ZNF562: variants seen among roughly 807,000 people sequenced by gnomAD.
ZNF562 encodes zinc finger protein 562.
In ZNF562, 13 loss-of-function variants were observed where a neutral mutation model predicts 17.5. That is an observed-to-expected ratio of 0.74 (90% CI 0.48 to 1.18). The LOEUF (loss-of-function observed/expected upper bound fraction) is 1.18, where lower values mean the gene tolerates loss of function less well. Ranked by LOEUF, ZNF562 falls within the 50% of genes most tolerant of loss-of-function variation. The pLI is 0.00. For missense variants in ZNF562, 481 were observed against 498.5 expected (o/e 0.96, Z 0.33); for synonymous variants, 163 against 165.4 (o/e 0.99, Z 0.11).
intron 1 of ZNF562, among the ~76,000 whole-genome samples, chr19:9,666,488 T>C (rs1262131956): frequency 6.6e-6 from 1 of 151,840 alleles, no homozygotes; most frequent in Non-Finnish European, 1.5e-5. Flanking sequence ...TGATACCCCT[T>C]AAAATACTAG....
intron 1 of ZNF562, among the ~76,000 whole-genome samples, chr19:9,674,266 A>G (rs1264512656): frequency 6.6e-6 from 1 of 152,136 alleles, no homozygotes; most frequent in Non-Finnish European, 1.5e-5. Context: ...GGAGTAAGTA[A>G]TCGAAATAAG....
At chr19:9,656,767 G>T (rs533201411) in intron 4 of ZNF562, 114 bp from the exon 5 acceptor site, 11 of 1,002,998 alleles carry the variant, frequency 1.1e-5, no homozygotes, top group African/African-American at 1.6e-5. Context: ...ACTCAGGCCC[G>T]TAATCCCAGG....
At chr19:9,673,473 T>C (rs1447325375) in intron 1 of ZNF562, among the ~76,000 whole-genome samples, 1 of 152,028 alleles carries the variant, frequency 6.6e-6, no homozygotes, top group East Asian at 1.9e-4. Flanking sequence ...AATTTTTGTA[T>C]TTTTAGTAGA....
chr19:9,669,710 GCGCGCGAGCGCGCGCGCGCGCGCGCA>G (rs2044078866), intron 1 of ZNF562, among the ~76,000 whole-genome samples: 1 of 82,238 alleles, frequency 1.2e-5, no homozygotes, highest in Non-Finnish European at 2.2e-5. Flanking sequence ...CTGCATGCAC[GCGCGCGAGCGCGCGCGCGCGCGCGCA>G]CACACACACA....
intron 1 of ZNF562, among the ~76,000 whole-genome samples, chr19:9,669,734 G>GCGCA (rs1221319747): frequency 0.026 from 2,852 of 108,938 alleles, 63 homozygotes; most frequent in Non-Finnish European, 0.034. Context: ...GCGCGCGCGC[G>GCGCA]CACACACACA....
rs1450414375 is a variant in ZNF562 at position 9,641,927 on chromosome 19, G to A, written c.*11022C>T. 6.6e-6 allele frequency: 1 copy of A among 152,114 alleles called. No homozygotes were observed. The highest frequency in any genetic ancestry group is 1.5e-5 in the Non-Finnish European group (1 of 68,014). 9.4% of individuals were successfully genotyped at this position (152,114 alleles called of 1,614,324 possible). A position where few individuals can be genotyped will look rare whatever the true frequency, so the allele number is the denominator to read the frequency against. ...AGGTTTGGGATAAGCGGTGGAGTTA[G>A]GAGCAATTTTTTTTGTAGGCAGTGG... On this transcript the variant is annotated 3_prime_UTR_variant, in exon 6 of 6. Coordinates refer to ENST00000453372, the MANE Select transcript of ZNF562 (RefSeq NM_001130031.2).
At chr19:9,661,907 G>A (rs964471080) in intron 1 of ZNF562, among the ~76,000 whole-genome samples, 12 of 152,084 alleles carry the variant, frequency 7.9e-5, no homozygotes, top group African/African-American at 2.9e-4. Flanking sequence ...TGGGACTACA[G>A]GTGCACACCA....
chr19:9,654,531 G>A (rs1330806039), intron 5 of ZNF562, among the ~76,000 whole-genome samples: 2 of 151,784 alleles, frequency 1.3e-5, no homozygotes, highest in South Asian at 2.1e-4. Context: ...TCACGATTTC[G>A]GCTCACTGCA....
chr19:9,669,425 G>A (rs1243291217), intron 1 of ZNF562, among the ~76,000 whole-genome samples: 2 of 152,164 alleles, frequency 1.3e-5, no homozygotes, highest in Non-Finnish European at 2.9e-5. Context: ...ACCTCATTTA[G>A]AGTGGCTTTT....
At chr19:9,656,715 T>A in intron 4 of ZNF562, 62 bp from the exon 5 acceptor site, 1 of 1,533,700 alleles carries the variant, frequency 6.5e-7, no homozygotes, top group East Asian at 2.3e-5. Context: ...GTTTTCAAAT[T>A]AAACACAGTA....
In ZNF562 at chr19:9,649,255, T is replaced by G. The variant is rs2074835561; in HGVS notation, c.*3694A>C. ...TCTCAATCCTGTCAGCTGAGGAGGA[T>G]GTATATTACCTCAGGACCCTGTAAT... On this transcript the variant is annotated 3_prime_UTR_variant, in exon 6 of 6. Coordinates refer to ENST00000453372, the MANE Select transcript of ZNF562 (RefSeq NM_001130031.2). 6.6e-6 allele frequency: 1 copy of G among 152,200 alleles called. No homozygotes were observed. Among genetic ancestry groups the G allele is most frequent in the Non-Finnish European group, 1.5e-5 (1 of 68,034 alleles). 9.4% of individuals were successfully genotyped at this position (152,200 alleles called of 1,614,324 possible).
At position 9,659,468 on chromosome 19, in the gene ZNF562, C is replaced by T; in HGVS notation, c.26-1G>A. 1.3e-6 allele frequency: 2 copies of T among 1,550,904 alleles called. No individual in the cohort carries two copies. The highest frequency in any genetic ancestry group is 2.0e-5 in the Admixed American group (1 of 50,960). The stretch of plus-strand genomic sequence containing the variant: ...CAGATTGGTTCCCTGGGAAAAAACC[C>T]TAGTGGAAAAGTAAGAAGGCATGAG... On this transcript the variant is annotated splice_acceptor_variant, in intron 2 of 5. Coordinates refer to ENST00000453372, the MANE Select transcript of ZNF562 (RefSeq NM_001130031.2). LOFTEE classifies it high-confidence loss of function.
Position 9,643,502 on chromosome 19 carries a change from A to G in ZNF562, c.*9447T>C, listed in dbSNP as rs1195911827. 1 of 152,046 alleles carries G rather than the reference A, an allele frequency of 6.6e-6. No homozygotes were observed. Among genetic ancestry groups the G allele is most frequent in the Non-Finnish European group, 1.5e-5 (1 of 68,004 alleles). 9.4% of individuals were successfully genotyped at this position (152,046 alleles called of 1,614,324 possible). On this transcript the variant is annotated 3_prime_UTR_variant, in exon 6 of 6. Coordinates refer to ENST00000453372, the MANE Select transcript of ZNF562 (RefSeq NM_001130031.2). ...AGCCAACCTTATATTCCTGCAGTAA[A>G]TGCCACTGGGTTTACTATTTTCTTA...
chr19:9,669,714 G>A (rs1020270731), intron 1 of ZNF562, among the ~76,000 whole-genome samples: 7 of 90,338 alleles, frequency 7.7e-5, no homozygotes, highest in South Asian at 6.2e-4. Context: ...ATGCACGCGC[G>A]CGAGCGCGCG....
chr19:9,656,222 C>T (rs1290704487), intron 5 of ZNF562, among the ~76,000 whole-genome samples: 1 of 152,102 alleles, frequency 6.6e-6, no homozygotes, highest in African/African-American at 2.4e-5. Flanking sequence ...AAGAAATATC[C>T]CTCATGGCCT....
intron 2 of ZNF562, 113 bp downstream of exon 2, chr19:9,660,605 TAA>T: frequency 9.5e-7 from 1 of 1,047,852 alleles, no homozygotes; most frequent in Non-Finnish European, 1.3e-6. Context: ...AAACTCCATC[TAA>T]AAGAAAAAAA....
rs553144341 is a variant in ZNF562 at position 9,642,477 on chromosome 19, A to C, written c.*10472T>G. 14 of 151,938 alleles carry C rather than the reference A, an allele frequency of 9.2e-5. No individual in the cohort carries two copies. The highest frequency in any genetic ancestry group is 4.1e-4 in the South Asian group (2 of 4,826). 9.4% of individuals were successfully genotyped at this position (151,938 alleles called of 1,614,324 possible). A position where few individuals can be genotyped will look rare whatever the true frequency, so the allele number is the denominator to read the frequency against. ...TATTTTGTAGAGAAGAGATCTCTCT[A>C]TGTTGCCTAGGCTGCCCTCAAACTC... On this transcript the variant is annotated 3_prime_UTR_variant, in exon 6 of 6. Transcript: ENST00000453372.
intron 4 of ZNF562, among the ~76,000 whole-genome samples, chr19:9,656,871 A>AAAAATATATATAT (rs376933513): frequency 1.4e-5 from 2 of 142,436 alleles, no homozygotes; most frequent in African/African-American, 5.2e-5. Flanking sequence ...AAAATACAAA[A>AAAAATATATATAT]ATATATATAT....
chr19:9,670,826 C>T (rs1053705423), intron 1 of ZNF562, among the ~76,000 whole-genome samples: 7 of 151,896 alleles, frequency 4.6e-5, no homozygotes, highest in African/African-American at 9.7e-5. Context: ...GGTAAAACCC[C>T]GTCTCTACTA....
Sources: allele counts gnomAD v4.1 joint callset (sites outside exome capture counted in the v4.1 genomes callset), GRCh38; gene constraint gnomAD v4.1.1; transcripts MANE v1.5; gene names NCBI Gene and HGNC (gene_info 2026-07-23, HGNC 2026-07-21).